Variants in CTNNA3 observed in about 807,000 individuals in gnomAD.
CTNNA3 encodes catenin alpha-3.
Under a neutral mutation model 95.7 loss-of-function variants are expected in CTNNA3, and 76 were observed. The ratio of observed to expected loss-of-function variants is 0.79; its 90% CI spans 0.66 to 0.96. CTNNA3 has a LOEUF of 0.96. Ranked by LOEUF, CTNNA3 falls within the 40% of genes least tolerant of loss-of-function variation. The probability of loss-of-function intolerance (pLI) is 0.00; values close to 1 mark genes in which losing one functional copy is unlikely to be tolerated. For synonymous variants in CTNNA3, 431 were observed against 374.4 expected (o/e 1.15, Z -1.74); for missense variants, 1,191 against 1,089.8 (o/e 1.09, Z -1.31).
Position 67,309,610 on chromosome 10 carries a change from A to G in CTNNA3, c.580-89740T>C, listed in dbSNP as rs140566937. ...TGTGTGCAGCTGGTCACAGAAATAC[A>G]GTCAGAAAGAAGTCGTTATTATGTT... On this transcript the variant is annotated intron_variant, in intron 5 of 17. Transcript: ENST00000433211. 2.9e-3 allele frequency among the ~76,000 whole-genome samples: 436 copies of G among 152,248 alleles called. 3 individuals are homozygous for G. Among genetic ancestry groups the G allele is most frequent in the African/African-American group, 0.01 (416 of 41,554 alleles).
chr10:66,063,318 A>G lies in CTNNA3; in HGVS notation c.2159+5990T>C, dbSNP rs548390960. On this transcript the variant is annotated intron_variant, in intron 15 of 17. Transcript: ENST00000433211. ...TAAATCTCTCTCTCTATATATATATATAATATATATATATATTCCTAGTCG... is the reference window on the plus strand; with the variant it reads ...TAAATCTCTCTCTCTATATATATATGTAATATATATATATATTCCTAGTCG... Among the ~76,000 whole-genome samples, 4 of 123,930 alleles carry G rather than the reference A, an allele frequency of 3.2e-5. No individual in the cohort carries two copies. The Admixed American group carries it at 3.4e-4, about 11-fold the overall frequency. 81.3% of individuals were successfully genotyped at this position (123,930 alleles called of 152,430 possible).
At chr10:66,358,850 C>G (rs1490693116) in intron 12 of CTNNA3, among the ~76,000 whole-genome samples, 1 of 152,152 alleles carries the variant, frequency 6.6e-6, no homozygotes, top group African/African-American at 2.4e-5. Context: ...GTTCTTACAT[C>G]TTCTACCTGG....
chr10:67,647,667 T>C (rs1484173602), intron 1 of CTNNA3, 149 bp from the exon 2 acceptor site: 4 of 590,324 alleles, frequency 6.8e-6, no homozygotes, highest in African/African-American at 3.7e-5. Context: ...CTACAAAATC[T>C]ACCTTCAGAG....
intron 7 of CTNNA3, among the ~76,000 whole-genome samples, chr10:66,791,927 G>A (rs904301715): frequency 1.3e-5 from 2 of 151,832 alleles, no homozygotes; most frequent in African/African-American, 4.8e-5. Flanking sequence ...TTGTACAACT[G>A]CAAAGTGTAT....
At chr10:67,503,247 C>T (rs756773106) in intron 5 of CTNNA3, among the ~76,000 whole-genome samples, 4 of 152,260 alleles carry the variant, frequency 2.6e-5, no homozygotes, top group East Asian at 1.9e-4. Context: ...TTGCACTTCC[C>T]GGGTGAAGCA....
Position 65,913,026 on chromosome 10 carries a change from C to CT in CTNNA3, c.*7303dup, listed in dbSNP as rs1163433844. ...ATAGTCAGAAACACCTCAAACGCCA[C>CT]TAAACTTAAGTTCCCAAGATATTGC... On this transcript the variant is annotated 3_prime_UTR_variant, in exon 18 of 18. Coordinates refer to ENST00000433211, the MANE Select transcript of CTNNA3 (RefSeq NM_013266.4). 1.3e-5 allele frequency: 2 copies of CT among 152,134 alleles called. No individual in the cohort carries two copies. The highest frequency in any genetic ancestry group is 2.4e-5 in the African/African-American group (1 of 41,438). 9.4% of individuals were successfully genotyped at this position (152,134 alleles called of 1,614,324 possible).
At chr10:67,518,087 G>T (rs1839876453) in intron 5 of CTNNA3, among the ~76,000 whole-genome samples, 1 of 151,986 alleles carries the variant, frequency 6.6e-6, no homozygotes, top group Non-Finnish European at 1.5e-5. Context: ...TTTAAGTTAG[G>T]GTTATTTTTC....
chr10:67,432,567 T>C (rs1846145565), intron 5 of CTNNA3, among the ~76,000 whole-genome samples: 1 of 152,010 alleles, frequency 6.6e-6, no homozygotes, highest in African/African-American at 2.4e-5. Context: ...TTTGCTTCTG[T>C]CTTCACATCA....
At chr10:67,190,196 C>T (rs1165878755) in intron 6 of CTNNA3, among the ~76,000 whole-genome samples, 2 of 151,864 alleles carry the variant, frequency 1.3e-5, no homozygotes, top group Admixed American at 6.6e-5. Flanking sequence ...GATCATGGCT[C>T]TACATGTATT....
chr10:67,205,768 G>A (rs10823006), intron 6 of CTNNA3, among the ~76,000 whole-genome samples: 22,933 of 152,132 alleles, frequency 0.15, 2,342 homozygotes, highest in African/African-American at 0.29. Flanking sequence ...GATAAATACA[G>A]ATCTTAAAAG....
intron 1 of CTNNA3, among the ~76,000 whole-genome samples, chr10:67,690,728 A>G (rs531981807): frequency 1.3e-5 from 2 of 152,296 alleles, no homozygotes; most frequent in East Asian, 3.9e-4. Flanking sequence ...ACCTCTCAAG[A>G]GGAGATAAAT....
chr10:67,737,106 G>A lies in CTNNA3; in HGVS notation c.-2+26328C>T, dbSNP rs1841307174. ...AGCCTCCTGAGTAGCTGGGATTACA[G>A]GCACACACCACCACACCGGGCTAAT... On this transcript the variant is annotated intron_variant, in intron 1 of 17. Transcript: ENST00000684154. Among the ~76,000 whole-genome samples, 12 of 151,846 alleles carry A rather than the reference G, an allele frequency of 7.9e-5. No homozygotes were observed. The South Asian group carries it at 2.5e-3, about 32-fold the overall frequency.
chr10:67,683,200 G>A (rs1247714740), intron 1 of CTNNA3, among the ~76,000 whole-genome samples: 1 of 152,200 alleles, frequency 6.6e-6, no homozygotes, highest in Non-Finnish European at 1.5e-5. Flanking sequence ...AAATTCCCAT[G>A]AAAACATGAC....
At chr10:66,637,482 A>G (rs1845375949) in intron 9 of CTNNA3, among the ~76,000 whole-genome samples, 1 of 152,240 alleles carries the variant, frequency 6.6e-6, no homozygotes, top group Non-Finnish European at 1.5e-5. Flanking sequence ...GCCATCAACT[A>G]GTCCAGTTTT....
chr10:66,041,809 C>A (rs187684613), intron 15 of CTNNA3, among the ~76,000 whole-genome samples: 4 of 152,236 alleles, frequency 2.6e-5, no homozygotes, highest in Admixed American at 2.6e-4. Flanking sequence ...AAATAGCTTA[C>A]AACTGGGATA....
intron 5 of CTNNA3, among the ~76,000 whole-genome samples, chr10:67,274,697 T>C (rs1221684865): frequency 6.6e-6 from 1 of 151,984 alleles, no homozygotes; most frequent in Admixed American, 6.6e-5. Context: ...AGCACAGTGG[T>C]GTGTGCCTGT....
At chr10:67,134,220 T>C (rs1327888459) in intron 7 of CTNNA3, among the ~76,000 whole-genome samples, 1 of 152,046 alleles carries the variant, frequency 6.6e-6, no homozygotes, top group Non-Finnish European at 1.5e-5. Flanking sequence ...GACTAGATGG[T>C]GGATGGGGTG....
In CTNNA3 at chr10:67,553,761, CT is replaced by C. The variant is rs925212281; in HGVS notation, c.293-14093del. ...ATGACCAGTCATCTTTTTTTCTTTT[CT>C]TTTTTTTTTAATTATACTTTAAGTT... On this transcript the variant is annotated intron_variant, in intron 3 of 17. Transcript: ENST00000433211. Among the ~76,000 whole-genome samples, 237 of 147,400 alleles carry C rather than the reference CT, an allele frequency of 1.6e-3. 1 individual carries two copies. Among genetic ancestry groups the C allele is most frequent in the Non-Finnish European group, 2.4e-3 (156 of 66,322 alleles).
chr10:66,404,544 A>G (rs2093043063), intron 11 of CTNNA3, among the ~76,000 whole-genome samples: 1 of 152,206 alleles, frequency 6.6e-6, no homozygotes, highest in Admixed American at 6.5e-5. Flanking sequence ...TCTTGAGCTT[A>G]AAGTCCTTTA....
Sources: allele counts gnomAD v4.1 joint callset (sites outside exome capture counted in the v4.1 genomes callset), GRCh38; gene constraint gnomAD v4.1.1; transcripts MANE v1.5; gene names NCBI Gene and HGNC (gene_info 2026-07-23, HGNC 2026-07-21).